Variants in COL8A2 observed in about 807,000 individuals in gnomAD.
The protein encoded by COL8A2 is collagen alpha-2(VIII) chain.
Under a neutral mutation model 24.0 loss-of-function variants are expected in COL8A2, and 16 were observed. The observed-to-expected ratio is 0.67, with a 90% CI of 0.45 to 1.01. COL8A2 has a LOEUF of 1.01. Ranked by LOEUF, COL8A2 falls within the 50% of genes least tolerant of loss-of-function variation. The pLI, the probability that COL8A2 is intolerant of heterozygous loss-of-function variation, is 0.00. For missense variants in COL8A2, 818 were observed against 942.4 expected (o/e 0.87, Z 1.73); for synonymous variants, 466 against 424.5 (o/e 1.10, Z -1.20).
In COL8A2 at chr1:36,099,080, C is replaced by T. The variant is rs1643629435; in HGVS notation, c.601G>A (p.Asp201Asn). ...GPQGEPGPPG[D>N]RGLKGDNGVG... Reference sequence around the variant, plus strand: ...CCATTATCCCCCTTGAGGCCTCGATCACCTGGGGGCCCAGGCTCCCCCTGG... The same window carrying T: ...CCATTATCCCCCTTGAGGCCTCGATTACCTGGGGGCCCAGGCTCCCCCTGG... The change falls in exon 4 of 4, where the codon GAT becomes AAT. Residue 201 changes from aspartate (D) to asparagine (N), a missense_variant. Asp to Asn is a conservative substitution (Grantham distance 23). This residue lies in a region of COL8A2 where 573 missense variants were observed against 616.8 expected (regional missense o/e 0.93). Coordinates refer to ENST00000397799, the MANE Select transcript of COL8A2 (RefSeq NM_005202.4). The T allele has an allele frequency of 6.6e-7, 1 of 1,505,348 alleles. No individual in the cohort carries two copies. Among genetic ancestry groups the T allele is most frequent in the South Asian group, 1.3e-5 (1 of 75,278 alleles). 93.2% of individuals were successfully genotyped at this position (1,505,348 alleles called of 1,614,324 possible). A position where few individuals can be genotyped will look rare whatever the true frequency, so the allele number is the denominator to read the frequency against.
In COL8A2 at chr1:36,099,005, CG is replaced by C. The variant is rs766814690; in HGVS notation, c.675del (p.Gly226AlafsTer11). 2.5e-6 allele frequency: 4 copies of C among 1,587,524 alleles called. No individual in the cohort carries two copies. The highest frequency in any genetic ancestry group is 1.8e-5 in the Admixed American group (1 of 56,754). On this transcript the variant is annotated frameshift_variant, in exon 4 of 4. Coordinates refer to ENST00000397799, the MANE Select transcript of COL8A2 (RefSeq NM_005202.4). LOFTEE classifies it low-confidence loss of function (END_TRUNC). ...LPGAPGQGGAPGPPGLPGPAG... is the reference protein window; with the variant it reads ...LPGAPGQGGAXGPPGLPGPAG... Reference sequence around the variant, plus strand: ...GCTGGACCAGGGAGGCCGGGGGGGCCGGGGGCACCCCCCTGCCCTGGGGCCC... The same window carrying C: ...GCTGGACCAGGGAGGCCGGGGGGGCCGGGGCACCCCCCTGCCCTGGGGCCC...
intron 2 of COL8A2, among the ~76,000 whole-genome samples, chr1:36,100,529 C>T (rs1279749607): frequency 1.3e-5 from 2 of 152,260 alleles, no homozygotes; most frequent in Middle Eastern, 3.4e-3. Flanking sequence ...ACAGCAGCCT[C>T]CTCAAAACCA....
intron 1 of COL8A2, among the ~76,000 whole-genome samples, chr1:36,119,146 T>C (rs1314586216): frequency 1.3e-5 from 2 of 152,102 alleles, no homozygotes; most frequent in Admixed American, 1.3e-4. Context: ...GTGAAAGGGG[T>C]GGAATCTGAA....
chr1:36,101,272 C>T (rs2124079099), intron 2 of COL8A2, among the ~76,000 whole-genome samples: 1 of 152,300 alleles, frequency 6.6e-6, no homozygotes, highest in Middle Eastern at 3.4e-3. Flanking sequence ...CTGCCCCTCA[C>T]CTCCCCACAC....
chr1:36,120,080 G>C (rs532686753), intron 1 of COL8A2, among the ~76,000 whole-genome samples: 1 of 152,052 alleles, frequency 6.6e-6, no homozygotes, highest in Non-Finnish European at 1.5e-5. Flanking sequence ...CAGCCCTCAC[G>C]GTTCTGGGCT....
chr1:36,120,777 G>GAGGAAGGAAGGAAGGA (rs1354098143), intron 1 of COL8A2, among the ~76,000 whole-genome samples: 1 of 144,734 alleles, frequency 6.9e-6, no homozygotes, highest in East Asian at 2.1e-4. Context: ...GAGAGAGAGA[G>GAGGAAGGAAGGAAGGA]AGGAAGGAAG....
At chr1:36,119,895 G>A (rs1371344671) in intron 1 of COL8A2, among the ~76,000 whole-genome samples, 1 of 152,154 alleles carries the variant, frequency 6.6e-6, no homozygotes, top group Admixed American at 6.5e-5. Context: ...GCTCATGGAT[G>A]GGGTTACACA....
chr1:36,122,853 C>T (rs1643924364), intron 1 of COL8A2, among the ~76,000 whole-genome samples: 1 of 152,104 alleles, frequency 6.6e-6, no homozygotes, highest in Non-Finnish European at 1.5e-5. Context: ...ACCTCAAAGT[C>T]ATGAGTCCCT....
intron 2 of COL8A2, among the ~76,000 whole-genome samples, chr1:36,107,826 C>T (rs1643782245): frequency 6.6e-6 from 1 of 152,062 alleles, no homozygotes; most frequent in South Asian, 2.1e-4. Context: ...CTGCTTCCTG[C>T]ACACATGCCG....
rs540700687 is a variant in COL8A2, at chr1:36,112,165, G to A, written c.-17+3543C>T. Among the ~76,000 whole-genome samples the A allele has an allele frequency of 9.9e-5, 15 of 152,138 alleles. No homozygotes were observed. In the East Asian group the frequency reaches 1.7e-3, roughly 18 times the overall value. ...ACTACAGGCGCCTGCCACCACGCCCGGCTATTTTTTTGTATTTTCAGTAGA... is the reference window on the plus strand; with the variant it reads ...ACTACAGGCGCCTGCCACCACGCCCAGCTATTTTTTTGTATTTTCAGTAGA... On this transcript the variant is annotated intron_variant, in intron 2 of 3. Coordinates refer to ENST00000397799, the MANE Select transcript of COL8A2 (RefSeq NM_005202.4).
chr1:36,096,297 C>T lies in COL8A2; in HGVS notation c.*1272G>A, dbSNP rs1274416207. On this transcript the variant is annotated 3_prime_UTR_variant, in exon 4 of 4. Transcript: ENST00000397799. ...GTTGGGAGGGGCATCCTGCCTGTTTCCTGCAGAGGAGCTCTGATCGGGGAA... is the reference window on the plus strand; with the variant it reads ...GTTGGGAGGGGCATCCTGCCTGTTTTCTGCAGAGGAGCTCTGATCGGGGAA... 1 of 152,338 alleles carries T rather than the reference C, an allele frequency of 6.6e-6. No homozygotes were observed. Among genetic ancestry groups the T allele is most frequent in the Non-Finnish European group, 1.5e-5 (1 of 68,112 alleles). The allele number at this position is 152,338 out of a possible 1,614,324, so 9.4% of individuals were successfully genotyped here. A position where few individuals can be genotyped will look rare whatever the true frequency, so the allele number is the denominator to read the frequency against.
intron 2 of COL8A2, among the ~76,000 whole-genome samples, chr1:36,105,463 C>T (rs1259213791): frequency 6.6e-6 from 1 of 152,216 alleles, no homozygotes; most frequent in East Asian, 1.9e-4. Flanking sequence ...GCTGAGGCCT[C>T]GCCCAGAGCC....
At chr1:36,121,158 A>G (rs1364875456) in intron 1 of COL8A2, among the ~76,000 whole-genome samples, 1 of 151,368 alleles carries the variant, frequency 6.6e-6, no homozygotes, top group Non-Finnish European at 1.5e-5. Flanking sequence ...TGGGAGGCCA[A>G]GGCGGGTAGA....
Position 36,123,514 on chromosome 1 carries a change from G to A in COL8A2, c.-62+1543C>T, listed in dbSNP as rs1643929391. 1.3e-5 allele frequency among the ~76,000 whole-genome samples: 2 copies of A among 152,302 alleles called. No homozygotes were observed. Among genetic ancestry groups the A allele is most frequent in the Admixed American group, 1.3e-4 (2 of 15,292 alleles). Reference sequence around the variant, plus strand: ...CACTGTGGTAGACGAAGTGAAACCAGAGAAAGAGACCCTGGTGAGTGTGTC... The same window carrying A: ...CACTGTGGTAGACGAAGTGAAACCAAAGAAAGAGACCCTGGTGAGTGTGTC... On this transcript the variant is annotated intron_variant, in intron 1 of 3. Transcript: ENST00000397799. The surrounding 1 kb of genome is among the most constrained non-coding windows in gnomAD (Gnocchi z 4.1).
Position 36,099,146 on chromosome 1 carries a change from C to T in COL8A2, c.535G>A (p.Gly179Arg). Residue 179 changes from glycine (G) to arginine (R), a missense_variant, in exon 4 of 4, where the codon GGG (glycine) becomes AGG (arginine). By Grantham distance (125) the Gly-to-Arg change is moderately radical (BLOSUM62 -2). Transcript: ENST00000397799. ...ITIPGKPGAQGVPGPPGFQGE... is the reference protein window; with the variant it reads ...ITIPGKPGAQRVPGPPGFQGE... ...TGGAATCCTGGGGGCCCTGGCACCC[C>T]TTGGGCACCTGGTTTTCCAGGGATA... 6.7e-7 allele frequency: 1 copy of T among 1,503,466 alleles called. No individual in the cohort carries two copies. The highest frequency in any genetic ancestry group is 1.3e-5 in the South Asian group (1 of 74,358). 93.1% of individuals were successfully genotyped at this position (1,503,466 alleles called of 1,614,324 possible). A position where few individuals can be genotyped will look rare whatever the true frequency, so the allele number is the denominator to read the frequency against.
chr1:36,097,758 GT>G lies in COL8A2; in HGVS notation c.1922del (p.Asn641ThrfsTer145). ...CATCGTAGGTATAGGTGGCCGGCAC[GT>G]TGTTCTTGTACAGGGCCACCCACAC... Reference protein sequence around the residue: ...TNVWVALYKNNVPATYTYDEY... With the variant: ...TNVWVALYKNXVPATYTYDEY... On this transcript the variant is annotated frameshift_variant, in exon 4 of 4. Coordinates refer to ENST00000397799, the MANE Select transcript of COL8A2 (RefSeq NM_005202.4). LOFTEE classifies it high-confidence loss of function. 1 of 1,613,754 alleles carries G rather than the reference GT, an allele frequency of 6.2e-7. No individual in the cohort carries two copies. Among genetic ancestry groups the G allele is most frequent in the Non-Finnish European group, 8.5e-7 (1 of 1,179,988 alleles).
chr1:36,113,815 T>C (rs1185566820), intron 2 of COL8A2, among the ~76,000 whole-genome samples: 1 of 152,188 alleles, frequency 6.6e-6, no homozygotes, highest in Non-Finnish European at 1.5e-5. Flanking sequence ...AGACCACAAG[T>C]GGCCTCAGTT....
intron 2 of COL8A2, among the ~76,000 whole-genome samples, chr1:36,101,463 G>T (rs1570033450): frequency 6.6e-6 from 1 of 152,102 alleles, no homozygotes; most frequent in East Asian, 1.9e-4. Flanking sequence ...CCTGACCTAT[G>T]CCTGTCACAG....
rs1442286234 is a variant in COL8A2, at chr1:36,115,540, C to T, written c.-17+168G>A. 6.6e-6 allele frequency among the ~76,000 whole-genome samples: 1 copy of T among 152,164 alleles called. No homozygotes were observed. Among genetic ancestry groups the T allele is most frequent in the East Asian group, 1.9e-4 (1 of 5,196 alleles). Reference sequence around the variant, plus strand: ...TCCGAGTTGGGCCAGGGTTTTAAAGCCCGGGCTGCAGGGAGCTGAGGTCAC... The same window carrying T: ...TCCGAGTTGGGCCAGGGTTTTAAAGTCCGGGCTGCAGGGAGCTGAGGTCAC... On this transcript the variant is annotated intron_variant, in intron 2 of 3. Coordinates refer to ENST00000397799, the MANE Select transcript of COL8A2 (RefSeq NM_005202.4). The surrounding 1 kb of genome is among the most constrained non-coding windows in gnomAD (Gnocchi z 5.7).
Sources: gnomAD v4.1 joint callset for allele counts (sites outside exome capture counted in the v4.1 genomes callset) on GRCh38, gnomAD v4.1.1 for gene constraint, gnomAD v4.1.1 regional missense constraint, Gnocchi (gnomAD v3.1) non-coding constraint, MANE v1.5 for transcripts, NCBI Gene and HGNC (gene_info 2026-07-23, HGNC 2026-07-21) for gene names.